The following FHIT variants were observed in gnomAD, a reference collection of about 807,000 sequenced individuals.
FHIT encodes the protein fragile histidine triad diadenosine triphosphatase.
FHIT carries 19 observed loss-of-function variants against 17.9 expected under a neutral mutation model. That is an observed-to-expected ratio of 1.06 (90% CI 0.74 to 1.56). The LOEUF (loss-of-function observed/expected upper bound fraction) is 1.56, where lower values mean the gene tolerates loss of function less well. Ranked by LOEUF, FHIT falls within the 40% of genes most tolerant of loss-of-function variation. The pLI, the probability that FHIT is intolerant of heterozygous loss-of-function variation, is 0.00. For synonymous variants in FHIT, 81 were observed against 69.7 expected, an observed-to-expected ratio of 1.16 and a Z score of -0.81; for missense variants, 248 against 189.2, an observed-to-expected ratio of 1.31 and a Z score of -1.82.
intron 4 of FHIT, among the ~76,000 whole-genome samples, chr3:60,569,365 T>A (rs1194370204): frequency 6.6e-6 from 1 of 152,014 alleles, no homozygotes; most frequent in East Asian, 1.9e-4. Flanking sequence ...AACTGAGATT[T>A]TATTCCCAAA....
intron 3 of FHIT, among the ~76,000 whole-genome samples, chr3:60,992,745 G>C (rs560377162): frequency 6.6e-6 from 1 of 152,226 alleles, no homozygotes. Context: ...TGCATTAAAT[G>C]AAAGTTCGAG....
intron 2 of FHIT, among the ~76,000 whole-genome samples, chr3:61,099,210 G>A (rs2035741343): frequency 6.6e-6 from 1 of 152,168 alleles, no homozygotes; most frequent in Non-Finnish European, 1.5e-5. Flanking sequence ...ATGTTTATGT[G>A]ATGAATAACA....
chr3:59,848,044 C>G (rs528670060), intron 8 of FHIT, among the ~76,000 whole-genome samples: 2 of 152,042 alleles, frequency 1.3e-5, no homozygotes, highest in Non-Finnish European at 2.9e-5. Context: ...TTTTTTGTAC[C>G]TCTGTGATTG....
chr3:60,709,234 C>G (rs1038321241), intron 4 of FHIT, among the ~76,000 whole-genome samples: 1 of 151,860 alleles, frequency 6.6e-6, no homozygotes, highest in Non-Finnish European at 1.5e-5. Flanking sequence ...CATATTTTCC[C>G]GAAAAAAGAG....
At chr3:61,091,592 G>C (rs2106813748) in intron 2 of FHIT, among the ~76,000 whole-genome samples, 1 of 152,150 alleles carries the variant, frequency 6.6e-6, no homozygotes, top group South Asian at 2.1e-4. Flanking sequence ...AAATAGAAAA[G>C]AGATCTACTG....
At chr3:60,560,719 C>T (rs116034413) in intron 4 of FHIT, among the ~76,000 whole-genome samples, 188 of 151,476 alleles carry the variant, frequency 1.2e-3, no homozygotes, top group Non-Finnish European at 2.3e-3. Context: ...AGAATAGAGC[C>T]GGTCCTTTAC....
At chr3:60,822,965 A>C (rs979382035) in intron 3 of FHIT, among the ~76,000 whole-genome samples, 7 of 152,202 alleles carry the variant, frequency 4.6e-5, no homozygotes, top group Non-Finnish European at 1.0e-4. Context: ...TTCATTCCCT[A>C]GGATCTCATT....
chr3:60,540,997 T>C (rs2107606701), intron 4 of FHIT, among the ~76,000 whole-genome samples: 1 of 152,234 alleles, frequency 6.6e-6, no homozygotes, highest in South Asian at 2.1e-4. Flanking sequence ...AACCAGAAAC[T>C]CTGGGACAAG....
chr3:59,963,107 T>TA (rs796902511), intron 7 of FHIT, among the ~76,000 whole-genome samples: 4 of 150,840 alleles, frequency 2.7e-5, no homozygotes, highest in East Asian at 1.9e-4. Context: ...TACACACACA[T>TA]AAAAAAAAAT....
At chr3:60,249,292 A>C (rs1705566270) in intron 5 of FHIT, among the ~76,000 whole-genome samples, 1 of 152,114 alleles carries the variant, frequency 6.6e-6, no homozygotes, top group Non-Finnish European at 1.5e-5. Context: ...ATTACTAAAA[A>C]ATCTGGAAGA....
intron 3 of FHIT, among the ~76,000 whole-genome samples, chr3:60,860,407 T>TACATCATATGTATATATGATAC (rs1703657592): frequency 7.1e-6 from 1 of 140,472 alleles, no homozygotes; most frequent in Non-Finnish European, 1.6e-5. Flanking sequence ...ATATATGACA[T>TACATCATATGTATATATGATAC]ACATCATATG....
chr3:60,118,099 A>T (rs1170918293), intron 5 of FHIT, among the ~76,000 whole-genome samples: 1 of 152,056 alleles, frequency 6.6e-6, no homozygotes, highest in African/African-American at 2.4e-5. Context: ...AAGGTGTTAT[A>T]ATGTATTTTG....
At chr3:60,294,407 T>G (rs764601453) in intron 5 of FHIT, among the ~76,000 whole-genome samples, 14 of 152,092 alleles carry the variant, frequency 9.2e-5, no homozygotes, top group Admixed American at 2.0e-4. Context: ...CCAGGAAATA[T>G]GAAGAACGTG....
intron 5 of FHIT, among the ~76,000 whole-genome samples, chr3:60,165,977 GCT>G (rs762081028): frequency 2.6e-5 from 4 of 151,948 alleles, no homozygotes; most frequent in Non-Finnish European, 5.9e-5. Context: ...TGCCTCCTTT[GCT>G]CTTTTTATCT....
At chr3:61,155,555 A>T (rs982708775) in intron 2 of FHIT, among the ~76,000 whole-genome samples, 9 of 152,144 alleles carry the variant, frequency 5.9e-5, no homozygotes, top group African/African-American at 1.7e-4. Flanking sequence ...TTGAACAATG[A>T]TCAAGATTTT....
At chr3:60,072,933 T>C (rs1702843340) in intron 5 of FHIT, among the ~76,000 whole-genome samples, 1 of 152,220 alleles carries the variant, frequency 6.6e-6, no homozygotes, top group South Asian at 2.1e-4. Flanking sequence ...ACTTATCCTG[T>C]TATAGGCTCA....
intron 5 of FHIT, among the ~76,000 whole-genome samples, chr3:60,278,702 T>C (rs1181022507): frequency 6.9e-6 from 1 of 144,494 alleles, no homozygotes; most frequent in Non-Finnish European, 1.5e-5. Flanking sequence ...TAAGCTAGAT[T>C]AACATAAAAC....
chr3:60,812,742 C>T (rs1328677490), intron 4 of FHIT, among the ~76,000 whole-genome samples: 1 of 151,822 alleles, frequency 6.6e-6, no homozygotes, highest in Non-Finnish European at 1.5e-5. Context: ...ATATGCATAC[C>T]CTAACAAAAA....
At chr3:60,222,885 A>G (rs907717557) in intron 5 of FHIT, among the ~76,000 whole-genome samples, 2 of 152,158 alleles carry the variant, frequency 1.3e-5, no homozygotes, top group African/African-American at 4.8e-5. Context: ...TGGGTGAAAG[A>G]GCGAGACTCC....
Sources: allele counts gnomAD v4.1 joint callset (sites outside exome capture counted in the v4.1 genomes callset), GRCh38; gene constraint gnomAD v4.1.1; transcripts MANE v1.5; gene names NCBI Gene and HGNC (gene_info 2026-07-23, HGNC 2026-07-21).